The following STK39 variants were observed in gnomAD, a reference collection of about 807,000 sequenced individuals.
STK39 encodes serine/threonine kinase 39.
Under a neutral mutation model 77.8 loss-of-function variants are expected in STK39, and 20 were observed. The ratio of observed to expected loss-of-function variants is 0.26; its 90% CI spans 0.18 to 0.37. The LOEUF (loss-of-function observed/expected upper bound fraction) is 0.37. STK39 is among the 10% of genes least tolerant of loss of function. The pLI, the probability that STK39 is intolerant of heterozygous loss-of-function variation, is 1.00. For missense variants in STK39, 479 were observed against 656.5 expected (o/e 0.73, Z 2.95); for synonymous variants, 246 against 234.1 (o/e 1.05, Z -0.47).
At chr2:168,092,620 G>A (rs1686553060) in intron 10 of STK39, among the ~76,000 whole-genome samples, 1 of 152,162 alleles carries the variant, frequency 6.6e-6, no homozygotes, top group South Asian at 2.1e-4. Context: ...TAAGATAGAG[G>A]AGAACAGGTA....
chr2:168,028,111 C>T (rs1684746795), intron 14 of STK39, among the ~76,000 whole-genome samples: 1 of 152,150 alleles, frequency 6.6e-6, no homozygotes. Context: ...ACCTTACCCA[C>T]TCTTCAACCT....
chr2:168,146,108 T>C (rs1688132460), intron 5 of STK39, among the ~76,000 whole-genome samples: 1 of 152,224 alleles, frequency 6.6e-6, no homozygotes, highest in African/African-American at 2.4e-5. Context: ...AGCATAAGGA[T>C]AAAGCAAAAA....
At chr2:167,994,074 C>T (rs1393458221) in intron 16 of STK39, among the ~76,000 whole-genome samples, 1 of 152,170 alleles carries the variant, frequency 6.6e-6, no homozygotes, top group African/African-American at 2.4e-5. Flanking sequence ...CAGTCTTATA[C>T]CAACCAGTGA....
At chr2:167,997,182 C>A (rs575259025) in intron 16 of STK39, among the ~76,000 whole-genome samples, 3 of 151,774 alleles carry the variant, frequency 2.0e-5, no homozygotes, top group East Asian at 1.9e-4. Flanking sequence ...GTGGCAGAGG[C>A]AAACACAGTG....
At chr2:168,107,586 G>A (rs567704311) in intron 10 of STK39, among the ~76,000 whole-genome samples, 8 of 152,256 alleles carry the variant, frequency 5.3e-5, no homozygotes, top group Non-Finnish European at 1.0e-4. Context: ...CTCATTATTT[G>A]ACGTTAAAAA....
chr2:168,007,237 TTCA>T (rs1276792685), intron 16 of STK39, among the ~76,000 whole-genome samples: 1 of 152,226 alleles, frequency 6.6e-6, no homozygotes, highest in Non-Finnish European at 1.5e-5. Context: ...GTGAACTTAT[TTCA>T]TATTTGCAAA....
At chr2:168,220,618 T>G (rs1251003481) in intron 1 of STK39, among the ~76,000 whole-genome samples, 2 of 152,080 alleles carry the variant, frequency 1.3e-5, no homozygotes, top group African/African-American at 4.8e-5. Context: ...CCAAAAGAGA[T>G]GTCAAAATCA....
intron 14 of STK39, among the ~76,000 whole-genome samples, chr2:168,017,377 A>ATTTTTTT (rs386391743): frequency 2.1e-5 from 2 of 93,588 alleles, no homozygotes; most frequent in Non-Finnish European, 4.0e-5. Context: ...GGAAACCTTA[A>ATTTTTTT]TTTTTTTTTT....
At chr2:168,229,317 G>A (rs918837614) in intron 1 of STK39, among the ~76,000 whole-genome samples, 10 of 151,684 alleles carry the variant, frequency 6.6e-5, no homozygotes, top group African/African-American at 1.9e-4. Context: ...CCCAGGAGGC[G>A]GAGGTTGCAG....
intron 1 of STK39, among the ~76,000 whole-genome samples, chr2:168,198,164 A>G (rs1559142581): frequency 6.6e-6 from 1 of 152,204 alleles, no homozygotes; most frequent in Non-Finnish European, 1.5e-5. Context: ...TTACTCACAC[A>G]CACACGCACA....
intron 14 of STK39, among the ~76,000 whole-genome samples, chr2:168,062,072 A>G (rs1023426316): frequency 1.3e-5 from 2 of 152,222 alleles, no homozygotes; most frequent in Non-Finnish European, 2.9e-5. Context: ...CACAGAAGCT[A>G]GGTAAACATC....
At chr2:168,221,549 C>A (rs1238596134) in intron 1 of STK39, among the ~76,000 whole-genome samples, 1 of 152,170 alleles carries the variant, frequency 6.6e-6, no homozygotes, top group African/African-American at 2.4e-5. Flanking sequence ...GCTGGAATTT[C>A]CAAGTTGGAA....
chr2:168,135,965 T>G (rs5008805), intron 8 of STK39, among the ~76,000 whole-genome samples: 147,409 of 151,514 alleles, frequency 0.97, 71,816 homozygotes, highest in East Asian at 1. Context: ...TGAATATATG[T>G]TATATGACGC....
intron 16 of STK39, 101 bp from the exon 17 acceptor site, chr2:167,964,827 C>T: frequency 1.0e-6 from 1 of 982,326 alleles, no homozygotes; most frequent in Non-Finnish European, 1.6e-6. Flanking sequence ...ATGCAATAAA[C>T]TGCAAAATCA....
chr2:168,115,531 G>A (rs574745219), intron 10 of STK39, among the ~76,000 whole-genome samples: 23 of 152,196 alleles, frequency 1.5e-4, no homozygotes, highest in Middle Eastern at 6.8e-3. Context: ...TGTGGTTAAC[G>A]ATTTCTAAAT....
At chr2:168,045,611 C>T (rs568594656) in intron 14 of STK39, among the ~76,000 whole-genome samples, 25 of 152,216 alleles carry the variant, frequency 1.6e-4, no homozygotes, top group Admixed American at 9.8e-4. Flanking sequence ...GTTCAATAGA[C>T]GTACAGAAGA....
At chr2:168,087,274 C>T (rs1050191099) in intron 10 of STK39, among the ~76,000 whole-genome samples, 2 of 152,180 alleles carry the variant, frequency 1.3e-5, no homozygotes, top group South Asian at 4.1e-4. Context: ...AATATGGCTC[C>T]AGGCAGGGCT....
At chr2:168,197,607 A>C (rs1689504246) in intron 1 of STK39, among the ~76,000 whole-genome samples, 1 of 152,248 alleles carries the variant, frequency 6.6e-6, no homozygotes. Context: ...ATTCATGTGT[A>C]CTGCCCTCCT....
intron 14 of STK39, among the ~76,000 whole-genome samples, chr2:168,038,477 T>C (rs1574412320): frequency 6.9e-6 from 1 of 145,546 alleles, no homozygotes; most frequent in Admixed American, 6.8e-5. Flanking sequence ...GAAGAAAACA[T>C]AGGAAAAAAA....
Sources: allele counts gnomAD v4.1 joint callset (sites outside exome capture counted in the v4.1 genomes callset), GRCh38; gene constraint gnomAD v4.1.1; transcripts MANE v1.5; gene names NCBI Gene and HGNC (gene_info 2026-07-23, HGNC 2026-07-21).